Variants in DRP2 observed in about 807,000 individuals in gnomAD.
DRP2 encodes dystrophin related protein 2, also known as dystrophin-related protein 2.
DRP2 carries 29 observed loss-of-function variants against 78.2 expected under a neutral mutation model. The ratio of observed to expected loss-of-function variants is 0.37; its 90% CI spans 0.28 to 0.51. The LOEUF is 0.51. Ranked by LOEUF, DRP2 falls within the 20% of genes least tolerant of loss-of-function variation. The probability of loss-of-function intolerance (pLI) is 0.94; values close to 1 mark genes in which losing one functional copy is unlikely to be tolerated. For missense variants in DRP2, 686 were observed against 770.6 expected, an observed-to-expected ratio of 0.89 and a Z score of 1.30; for synonymous variants, 290 against 281.9, an observed-to-expected ratio of 1.03 and a Z score of -0.29.
At chrX:101,242,622 C>A in intron 8 of DRP2, 151 bp downstream of exon 8, 1 of 774,409 alleles carries the variant, frequency 1.3e-6, no homozygotes, top group Non-Finnish European at 1.8e-6. Context: ...AACCTCTAAG[C>A]TGCAGGGAAT....
At chrX:101,245,337 G>C in intron 10 of DRP2, 51 bp from the exon 11 acceptor site, 3 of 1,099,303 alleles carry the variant, frequency 2.7e-6, no homozygotes, top group Non-Finnish European at 3.7e-6. Context: ...TCTGAGTGTG[G>C]GGGTGGGTGG....
chrX:101,227,584 G>A (rs1922164871), intron 2 of DRP2, among the ~76,000 whole-genome samples: 1 of 111,637 alleles, frequency 9.0e-6, no homozygotes, highest in African/African-American at 3.3e-5. Flanking sequence ...AGACAGCACA[G>A]CCGACTACAA....
chrX:101,231,471 T>C, intron 2 of DRP2, 114 bp from the exon 3 acceptor site: 1 of 510,775 alleles, frequency 2.0e-6, no homozygotes, highest in Non-Finnish European at 3.5e-6. Flanking sequence ...CCTGGGTAGG[T>C]CAGTAAGTTT....
In DRP2 at chrX:101,245,038, A is replaced by G; in HGVS notation, c.1076A>G (p.Glu359Gly). 8.3e-7 allele frequency: 1 copy of G among 1,209,770 alleles called. No homozygotes were observed. The highest frequency in any genetic ancestry group is 1.1e-6 in the Non-Finnish European group (1 of 894,606). ...CCAGCCTCTGTCCAGGTTCCCTGGG[A>G]AAGAGCAATTTCACCCAATAAAGTT... is the stretch of plus-strand genomic sequence containing the variant. ...FLSSSVQVPWERAISPNKVPY... is the reference protein window; with the variant it reads ...FLSSSVQVPWGRAISPNKVPY... The change falls in exon 10 of 24, where the codon GAA becomes GGA. Residue 359 changes from glutamate (E) to glycine (G), a missense_variant. Around this residue, in one of 2 missense-constraint regions of DRP2, gnomAD observed 423 missense variants for 531.5 expected, o/e 0.80. Coordinates refer to ENST00000395209, the MANE Select transcript of DRP2 (RefSeq NM_001939.3).
chrX:101,256,273 G>A lies in DRP2; in HGVS notation c.2390+12G>A. 1 of 1,165,974 alleles carries A rather than the reference G, an allele frequency of 8.6e-7. No individual in the cohort carries two copies. Among genetic ancestry groups the A allele is most frequent in the African/African-American group, 1.8e-5 (1 of 56,448 alleles). The stretch of plus-strand genomic sequence containing the variant: ...GAAGATGAGAACCGGTGGGTGTGAT[G>A]ATAGCAGAAATCTGTGTGGGTTCTT... On this transcript the variant is annotated intron_variant, in intron 21 of 23. Coordinates refer to ENST00000395209, the MANE Select transcript of DRP2 (RefSeq NM_001939.3).
At chrX:101,237,407 G>GTAGGTACT in intron 4 of DRP2, among the ~76,000 whole-genome samples, 1 of 111,759 alleles carries the variant, frequency 8.9e-6, no homozygotes, top group Admixed American at 9.5e-5. Flanking sequence ...TCTACCTACT[G>GTAGGTACT]GTTTTAGTAC....
chrX:101,260,325 C>T (rs757411840), intron 23 of DRP2, among the ~76,000 whole-genome samples, 156 bp downstream of exon 23: 17 of 112,435 alleles, frequency 1.5e-4, no homozygotes, highest in Non-Finnish European at 2.8e-4. Flanking sequence ...AATTCATATG[C>T]TTATTCCACA....
At position 101,260,665 on chromosome X, in the gene DRP2, T is replaced by G. The variant is rs1923520453; in HGVS notation, c.*44T>G. On this transcript the variant is annotated 3_prime_UTR_variant, in exon 24 of 24. Coordinates refer to ENST00000395209, the MANE Select transcript of DRP2 (RefSeq NM_001939.3). ...CTATAGTTCATAGTCCTCTCCTGGTTCCGGTCAAAGCCTTTCCTCAGCCTT... is the reference window on the plus strand; with the variant it reads ...CTATAGTTCATAGTCCTCTCCTGGTGCCGGTCAAAGCCTTTCCTCAGCCTT... 2 of 1,173,863 alleles carry G rather than the reference T, an allele frequency of 1.7e-6. No individual in the cohort carries two copies. Among genetic ancestry groups the G allele is most frequent in the Admixed American group, 2.4e-5 (1 of 41,693 alleles).
chrX:101,257,429 TAAAAAA>T lies in DRP2; in HGVS notation c.2391-864_2391-859del, dbSNP rs57717609. 1.2e-4 allele frequency among the ~76,000 whole-genome samples: 6 copies of T among 51,447 alleles called. No individual in the cohort carries two copies. The East Asian group carries it at 2.1e-3, about 18-fold the overall frequency. The allele number at this position is 51,447 out of a possible 115,157, so 44.7% of individuals were successfully genotyped here. A position where few individuals can be genotyped will look rare whatever the true frequency, so the allele number is the denominator to read the frequency against. Reference sequence around the variant, plus strand: ...AGTTTGTGACCAGTCCAAGGCAAGATAAAAAAAAAAAAAAAAAAAAAGAGAGAGTAA... The same window carrying T: ...AGTTTGTGACCAGTCCAAGGCAAGATAAAAAAAAAAAAAAAGAGAGAGTAA... On this transcript the variant is annotated intron_variant, in intron 21 of 23. Coordinates refer to ENST00000395209, the MANE Select transcript of DRP2 (RefSeq NM_001939.3).
At chrX:101,233,542 G>A (rs1922381287) in intron 3 of DRP2, among the ~76,000 whole-genome samples, 1 of 112,348 alleles carries the variant, frequency 8.9e-6, no homozygotes, top group East Asian at 2.8e-4. Context: ...CTCTGTGGGA[G>A]ATAAATAAGG....
At chrX:101,243,116 T>TAAAAA in intron 9 of DRP2, 134 bp downstream of exon 9, 1 of 525,009 alleles carries the variant, frequency 1.9e-6, no homozygotes, top group Non-Finnish European at 3.1e-6. Context: ...TAAAACAGTG[T>TAAAAA]GGTATAGTGG....
chrX:101,248,953 A>G (rs1308278690), intron 14 of DRP2, among the ~76,000 whole-genome samples: 3 of 112,207 alleles, frequency 2.7e-5, no homozygotes, highest in African/African-American at 9.7e-5. Flanking sequence ...TCCAGTCTGA[A>G]GCTCAAGCCA....
chrX:101,250,155 A>G (rs772295509), intron 14 of DRP2, among the ~76,000 whole-genome samples: 4 of 107,297 alleles, frequency 3.7e-5, no homozygotes, highest in Non-Finnish European at 7.7e-5. Flanking sequence ...TCTTGCTTTC[A>G]CTCTCTCTCA....
intron 6 of DRP2, among the ~76,000 whole-genome samples, chrX:101,241,253 TACAC>T (rs750013002): frequency 3.6e-5 from 4 of 111,425 alleles, no homozygotes; most frequent in South Asian, 3.7e-4. Flanking sequence ...AACACACGTG[TACAC>T]ACACACACAT....
Position 101,251,313 on chromosome X carries a change from A to G in DRP2, c.1865+230A>G, listed in dbSNP as rs895536029. On this transcript the variant is annotated intron_variant, in intron 16 of 23. Coordinates refer to ENST00000395209, the MANE Select transcript of DRP2 (RefSeq NM_001939.3). ...GTATTATAAAGTATTACAGACCTAC[A>G]AAAATGTATAGAAGAACATAGGTGT... 13 of 314,829 alleles carry G rather than the reference A, an allele frequency of 4.1e-5. No individual in the cohort carries two copies. In the Admixed American group the frequency reaches 4.6e-4, roughly 11 times the overall value. 25.9% of individuals were successfully genotyped at this position (314,829 alleles called of 1,213,427 possible).
chrX:101,250,782 G>C (rs1923108290), intron 15 of DRP2, 135 bp from the exon 16 acceptor site: 2 of 954,792 alleles, frequency 2.1e-6, no homozygotes, highest in East Asian at 6.2e-5. Context: ...AACTAGCACA[G>C]GGCAGAACGT....
Position 101,237,724 on chromosome X carries a change from G to A in DRP2, c.387G>A (p.Leu129=). The change falls in exon 5 of 24, where the codon CTG becomes CTA. Residue 129 remains leucine (L), a synonymous_variant. Coordinates refer to ENST00000395209, the MANE Select transcript of DRP2 (RefSeq NM_001939.3). ...SQKDEELSAQ[L]PLQGDVALVQ... ...AGGATGAGGAGTTGTCAGCTCAGCT[G>A]CCCCTACAGGGGGATGTGGCCCTGG... The A allele has an allele frequency of 8.5e-7, 1 of 1,175,109 alleles. No individual in the cohort carries two copies. Among genetic ancestry groups the A allele is most frequent in the Non-Finnish European group, 1.1e-6 (1 of 872,823 alleles).
At chrX:101,227,325 GA>G (rs1454479372) in intron 2 of DRP2, among the ~76,000 whole-genome samples, 1 of 111,865 alleles carries the variant, frequency 8.9e-6, no homozygotes, top group Non-Finnish European at 1.9e-5. Context: ...GACCAAGTCT[GA>G]TTCATCTTCA....
At chrX:101,226,611 G>A (rs1163038717) in intron 2 of DRP2, among the ~76,000 whole-genome samples, 1 of 111,769 alleles carries the variant, frequency 8.9e-6, no homozygotes, top group Non-Finnish European at 1.9e-5. Flanking sequence ...GAACCAGGAA[G>A]AGTATTTGTA....
Sources: allele counts gnomAD v4.1 joint callset (sites outside exome capture counted in the v4.1 genomes callset), GRCh38; gene constraint gnomAD v4.1.1; regional missense constraint gnomAD v4.1.1; transcripts MANE v1.5; gene names NCBI Gene and HGNC (gene_info 2026-07-23, HGNC 2026-07-21).